Variants in PEMT observed in about 807,000 individuals in gnomAD.
PEMT encodes phospholipid methyltransferase.
Under a neutral mutation model 27.4 loss-of-function variants are expected in PEMT, and 23 were observed. The ratio of observed to expected loss-of-function variants is 0.84; its 90% confidence interval spans 0.60 to 1.19. The LOEUF is 1.19. Among genes scored for constraint, PEMT ranks in the 50% most tolerant of loss-of-function variants. PEMT has a pLI of 0.00. For synonymous variants in PEMT, 137 were observed against 139.1 expected (o/e 0.98, Z 0.11); for missense variants, 307 against 310.1 (o/e 0.99, Z 0.07).
At chr17:17,583,174 C>T (rs750490763) in intron 1 of PEMT, among the ~76,000 whole-genome samples, 4 of 151,940 alleles carry the variant, frequency 2.6e-5, no homozygotes, top group African/African-American at 4.8e-5. Flanking sequence ...GTCAGGAGTT[C>T]GAGACCAGCC....
chr17:17,586,688 T>C (rs1329319133), intron 1 of PEMT, among the ~76,000 whole-genome samples: 1 of 152,134 alleles, frequency 6.6e-6, no homozygotes, highest in African/African-American at 2.4e-5. Context: ...GTCAGGAATA[T>C]AAGCTTTGCC....
chr17:17,576,536 A>G (rs1445745993), intron 2 of PEMT, among the ~76,000 whole-genome samples: 1 of 152,244 alleles, frequency 6.6e-6, no homozygotes, highest in East Asian at 1.9e-4. Flanking sequence ...ACTGTGTGAC[A>G]TGGCAGAGAG....
intron 2 of PEMT, among the ~76,000 whole-genome samples, chr17:17,545,300 C>T (rs1175883301): frequency 1.3e-5 from 2 of 152,180 alleles, no homozygotes; most frequent in East Asian, 3.9e-4. Context: ...TCCCAGCCCA[C>T]CTCTCACCCA....
intron 2 of PEMT, among the ~76,000 whole-genome samples, chr17:17,568,942 C>T (rs560082234): frequency 2.0e-5 from 3 of 152,280 alleles, no homozygotes; most frequent in African/African-American, 7.2e-5. Context: ...CCAGTACCAG[C>T]CAGCAGGTCA....
chr17:17,565,919 T>C (rs2142709867), intron 2 of PEMT, among the ~76,000 whole-genome samples: 1 of 152,248 alleles, frequency 6.6e-6, no homozygotes, highest in African/African-American at 2.4e-5. Flanking sequence ...CTTCTGGAGA[T>C]GGAGCAGCCA....
chr17:17,544,572 G>A (rs2142615855), intron 2 of PEMT, among the ~76,000 whole-genome samples: 1 of 152,266 alleles, frequency 6.6e-6, no homozygotes, highest in East Asian at 1.9e-4. Context: ...CCTCCAGCTT[G>A]TGTTTCTAAC....
intron 1 of PEMT, among the ~76,000 whole-genome samples, chr17:17,589,563 T>A (rs981658697): frequency 6.6e-6 from 1 of 152,226 alleles, no homozygotes; most frequent in African/African-American, 2.4e-5. Context: ...AAATTATGCA[T>A]GTGGCACACG....
rs545493972 is a variant in PEMT at position 17,554,895 on chromosome 17, C to T, written c.204+22025G>A. On this transcript the variant is annotated intron_variant, in intron 2 of 6. Transcript: ENST00000255389. ...CCTCCCAAAGTGCTAGGATTACAGGCACGAGCCATCGCGCCCGGCCAGCAG... is the reference window on the plus strand; with the variant it reads ...CCTCCCAAAGTGCTAGGATTACAGGTACGAGCCATCGCGCCCGGCCAGCAG... 2.6e-5 allele frequency among the ~76,000 whole-genome samples: 4 copies of T among 152,274 alleles called. No individual in the cohort carries two copies. The South Asian group carries it at 8.3e-4, about 32-fold the overall frequency.
intron 2 of PEMT, among the ~76,000 whole-genome samples, chr17:17,553,075 C>G (rs1909779415): frequency 6.6e-6 from 1 of 152,194 alleles, no homozygotes; most frequent in Non-Finnish European, 1.5e-5. Context: ...TGTGAAGGTG[C>G]CTGGCCGGCT....
At chr17:17,530,574 G>A (rs1908021616) in intron 2 of PEMT, among the ~76,000 whole-genome samples, 1 of 152,140 alleles carries the variant, frequency 6.6e-6, no homozygotes, top group South Asian at 2.1e-4. Context: ...CAGATAAGAA[G>A]TTTCAAGTGA....
intron 2 of PEMT, among the ~76,000 whole-genome samples, chr17:17,532,372 C>A (rs964181038): frequency 6.6e-6 from 1 of 152,124 alleles, no homozygotes; most frequent in Non-Finnish European, 1.5e-5. Flanking sequence ...TGTATTTCTA[C>A]ACATTTGCAA....
At chr17:17,573,167 C>A (rs1351240332) in intron 2 of PEMT, among the ~76,000 whole-genome samples, 51 of 130,002 alleles carry the variant, frequency 3.9e-4, no homozygotes, top group Middle Eastern at 5.4e-3. Flanking sequence ...CCAGCCTGGG[C>A]AACAGAGCAA....
chr17:17,510,136 C>T (rs67453318), intron 4 of PEMT, among the ~76,000 whole-genome samples: 4,733 of 152,226 alleles, frequency 0.031, 245 homozygotes, highest in African/African-American at 0.11. Context: ...TTTTCTCACT[C>T]AGCTGCCCAG....
chr17:17,559,202 T>A (rs1910289867), intron 2 of PEMT, among the ~76,000 whole-genome samples: 1 of 152,142 alleles, frequency 6.6e-6, no homozygotes, highest in African/African-American at 2.4e-5. Context: ...TCTCCACGCC[T>A]GGCTCCAAGA....
chr17:17,591,452 A>C, intron 1 of PEMT, 79 bp downstream of exon 1: 4 of 1,052,876 alleles, frequency 3.8e-6, no homozygotes, highest in East Asian at 3.6e-5. Flanking sequence ...GCAGCGTTTG[A>C]GGCGCCGCAA....
At chr17:17,557,446 G>C (rs773202067) in intron 2 of PEMT, among the ~76,000 whole-genome samples, 1 of 152,220 alleles carries the variant, frequency 6.6e-6, no homozygotes, top group African/African-American at 2.4e-5. Flanking sequence ...AGTCTTGGAG[G>C]AGGAGAGCCA....
chr17:17,539,300 A>C (rs1434898031), intron 2 of PEMT, among the ~76,000 whole-genome samples: 1 of 152,074 alleles, frequency 6.6e-6, no homozygotes, highest in African/African-American at 2.4e-5. Context: ...GAGTCTTGAC[A>C]AATGCATACC....
chr17:17,586,092 A>AG (rs1345850144), intron 1 of PEMT, among the ~76,000 whole-genome samples: 5 of 151,180 alleles, frequency 3.3e-5, no homozygotes, highest in Admixed American at 2.7e-4. Context: ...CAAAAAAAAA[A>AG]AAAAAATTGT....
intron 2 of PEMT, among the ~76,000 whole-genome samples, chr17:17,553,676 C>G (rs1000134939): frequency 2.6e-5 from 4 of 152,250 alleles, no homozygotes; most frequent in Non-Finnish European, 5.9e-5. Flanking sequence ...GGCCTTCTCG[C>G]AGGACAGCCA....
Sources: allele counts gnomAD v4.1 joint callset (sites outside exome capture counted in the v4.1 genomes callset), GRCh38; gene constraint gnomAD v4.1.1; transcripts MANE v1.5; gene names NCBI Gene and HGNC (gene_info 2026-07-23, HGNC 2026-07-21).